Variants in FGD4 observed in about 807,000 individuals in gnomAD.
FGD4 encodes FYVE, RhoGEF and PH domain containing 4.
Under a neutral mutation model 102.0 loss-of-function variants are expected in FGD4, and 42 were observed. That is an observed-to-expected ratio of 0.41 (90% CI 0.32 to 0.53). The LOEUF is 0.53. Ranked by LOEUF, FGD4 falls within the 20% of genes least tolerant of loss-of-function variation. The pLI, the probability that FGD4 is intolerant of heterozygous loss-of-function variation, is 0.21. For missense variants in FGD4, 902 were observed against 1,078.2 expected, an observed-to-expected ratio of 0.84 and a Z score of 2.29; for synonymous variants, 380 against 375.7, an observed-to-expected ratio of 1.01 and a Z score of -0.13.
chr12:32,516,300 C>T (rs1565792510), intron 1 of FGD4, among the ~76,000 whole-genome samples: 1 of 152,080 alleles, frequency 6.6e-6, no homozygotes, highest in Non-Finnish European at 1.5e-5. Context: ...CGCCACCATG[C>T]CTGGCTAATT....
At chr12:32,554,001 AG>A (rs1164261505) in intron 1 of FGD4, among the ~76,000 whole-genome samples, 3 of 152,140 alleles carry the variant, frequency 2.0e-5, no homozygotes, top group African/African-American at 4.8e-5. Flanking sequence ...CTGAGGTGGG[AG>A]GATCACTTGA....
Position 32,626,688 on chromosome 12 carries a change from G to A in FGD4, c.2172+909G>A, listed in dbSNP as rs1950193760. Among the ~76,000 whole-genome samples the A allele has an allele frequency of 2.0e-5, 3 of 152,228 alleles. No homozygotes were observed. The South Asian group carries it at 6.2e-4, about 32-fold the overall frequency. ...ATAGATGGAACCCACAGTACAAGTAGATGTTCTGGCTTTGATGGGGAGAGG... is the reference window on the plus strand; with the variant it reads ...ATAGATGGAACCCACAGTACAAGTAAATGTTCTGGCTTTGATGGGGAGAGG... On this transcript the variant is annotated intron_variant, in intron 14 of 16. Coordinates refer to ENST00000534526, the MANE Select transcript of FGD4 (RefSeq NM_001370298.3).
intron 1 of FGD4, among the ~76,000 whole-genome samples, chr12:32,481,293 T>C (rs1384072319): frequency 6.6e-6 from 1 of 151,940 alleles, no homozygotes; most frequent in Non-Finnish European, 1.5e-5. Flanking sequence ...AAAAATTAGC[T>C]GGCCATACAA....
intron 8 of FGD4, among the ~76,000 whole-genome samples, chr12:32,609,109 C>A (rs374448810): frequency 1.3e-5 from 2 of 152,134 alleles, no homozygotes; most frequent in African/African-American, 4.8e-5. Context: ...GATGATCCAC[C>A]CACCTCAGCT....
In FGD4 at chr12:32,552,299, G is replaced by A. The variant is rs566012785; in HGVS notation, c.167-11838G>A. 2.0e-5 allele frequency among the ~76,000 whole-genome samples: 3 copies of A among 152,138 alleles called. No homozygotes were observed. The South Asian group carries it at 6.2e-4, about 32-fold the overall frequency. ...TTTTGAGATGGAGTCTCACACTGTC[G>A]CCCAGGCTGGAGTGCAGTGGCTCAA... On this transcript the variant is annotated intron_variant, in intron 1 of 16. Coordinates refer to ENST00000534526, the MANE Select transcript of FGD4 (RefSeq NM_001370298.3).
At position 32,426,768 on chromosome 12, in the gene FGD4, C is replaced by T. The variant is rs12578848; in HGVS notation, c.166+26809C>T. On this transcript the variant is annotated intron_variant, in intron 1 of 16. Transcript: ENST00000534526. ...CTTATTATTGGTCTATTCAGGAATT[C>T]GACTTATTCCTGGTGTAGTCTTGGG... 0.016 allele frequency among the ~76,000 whole-genome samples: 2,401 copies of T among 152,134 alleles called. 128 individuals are homozygous for T. In the East Asian group the frequency reaches 0.21, roughly 13 times the overall value.
At chr12:32,421,575 A>T (rs1941627438) in intron 1 of FGD4, among the ~76,000 whole-genome samples, 1 of 151,918 alleles carries the variant, frequency 6.6e-6, no homozygotes. Flanking sequence ...ATCATATCCC[A>T]TTTCCACTGT....
At chr12:32,453,292 G>A (rs1042930255) in intron 1 of FGD4, among the ~76,000 whole-genome samples, 7 of 147,292 alleles carry the variant, frequency 4.8e-5, no homozygotes, top group African/African-American at 1.8e-4. Context: ...GGAGCAGAGT[G>A]GCACAGTCTT....
At chr12:32,550,330 T>G (rs1485365390) in intron 1 of FGD4, among the ~76,000 whole-genome samples, 1 of 152,202 alleles carries the variant, frequency 6.6e-6, no homozygotes, top group African/African-American at 2.4e-5. Flanking sequence ...AGTTAGTACT[T>G]TAGCAGCATA....
At chr12:32,477,820 A>G (rs1458620186) in intron 1 of FGD4, among the ~76,000 whole-genome samples, 1 of 152,258 alleles carries the variant, frequency 6.6e-6, no homozygotes, top group African/African-American at 2.4e-5. Context: ...ATGGGATGAC[A>G]GAAGCCCAGG....
chr12:32,514,074 C>T (rs1939649675), intron 1 of FGD4, among the ~76,000 whole-genome samples: 1 of 152,198 alleles, frequency 6.6e-6, no homozygotes, highest in Non-Finnish European at 1.5e-5. Flanking sequence ...TACCTCTCTA[C>T]CATTTAAAAT....
At chr12:32,504,739 T>C (rs1012038065) in intron 1 of FGD4, among the ~76,000 whole-genome samples, 2 of 152,204 alleles carry the variant, frequency 1.3e-5, no homozygotes, top group Non-Finnish European at 2.9e-5. Flanking sequence ...TATGAAACTT[T>C]GAACAAAGTG....
chr12:32,516,664 C>T (rs114918976), intron 1 of FGD4, among the ~76,000 whole-genome samples: 1 of 152,204 alleles, frequency 6.6e-6, no homozygotes, highest in Non-Finnish European at 1.5e-5. Context: ...TAAACTCTCA[C>T]ATTTAACATA....
chr12:32,461,891 T>C (rs1943113720), intron 1 of FGD4, among the ~76,000 whole-genome samples: 1 of 152,036 alleles, frequency 6.6e-6, no homozygotes, highest in Admixed American at 6.6e-5. Flanking sequence ...CACGCCAGGC[T>C]AATTTTTATG....
At chr12:32,433,649 T>C (rs1324421913) in intron 1 of FGD4, among the ~76,000 whole-genome samples, 2 of 152,088 alleles carry the variant, frequency 1.3e-5, no homozygotes, top group Admixed American at 6.5e-5. Context: ...AAAGTGCATT[T>C]TTTTAATGTA....
intron 3 of FGD4, among the ~76,000 whole-genome samples, chr12:32,581,425 G>C (rs1946606648): frequency 1.3e-5 from 2 of 152,164 alleles, no homozygotes; most frequent in South Asian, 4.2e-4. Context: ...CAGTTAAAAA[G>C]GTATGGCAGC....
In FGD4 at chr12:32,550,812, C is replaced by T. The variant is rs540311987; in HGVS notation, c.167-13325C>T. On this transcript the variant is annotated intron_variant, in intron 1 of 16. Coordinates refer to ENST00000534526, the MANE Select transcript of FGD4 (RefSeq NM_001370298.3). ...CGTCAAATGGAGAAGAAATGAAAAACGTTTTTAGAATCCAGGACACACATT... is the reference window on the plus strand; with the variant it reads ...CGTCAAATGGAGAAGAAATGAAAAATGTTTTTAGAATCCAGGACACACATT... 1.4e-4 allele frequency among the ~76,000 whole-genome samples: 21 copies of T among 151,256 alleles called. No homozygotes were observed. In the South Asian group the frequency reaches 3.5e-3, roughly 26 times the overall value.
intron 1 of FGD4, among the ~76,000 whole-genome samples, chr12:32,427,276 A>G (rs1478600710): frequency 6.6e-6 from 1 of 152,110 alleles, no homozygotes; most frequent in East Asian, 1.9e-4. Context: ...CTTTGTTCTC[A>G]TGGGTTTCAA....
At chr12:32,553,019 C>T (rs1315278051) in intron 1 of FGD4, among the ~76,000 whole-genome samples, 1 of 149,340 alleles carries the variant, frequency 6.7e-6, no homozygotes, top group Non-Finnish European at 1.5e-5. Context: ...GTCTCAAACT[C>T]CCTACCTCAG....
Sources: allele counts gnomAD v4.1 joint callset (sites outside exome capture counted in the v4.1 genomes callset), GRCh38; gene constraint gnomAD v4.1.1; transcripts MANE v1.5; gene names NCBI Gene and HGNC (gene_info 2026-07-23, HGNC 2026-07-21).